The following SRGAP1 variants were observed in gnomAD, a reference collection of about 807,000 sequenced individuals.
The protein encoded by SRGAP1 is SLIT-ROBO Rho GTPase-activating protein 1.
A neutral mutation model predicts 121.9 loss-of-function variants in SRGAP1; 43 were observed. The observed-to-expected ratio is 0.35, with a 90% CI of 0.28 to 0.46. The LOEUF (loss-of-function observed/expected upper bound fraction) is 0.46, where lower values mean the gene tolerates loss of function less well. SRGAP1 is among the 20% of genes least tolerant of loss of function. The pLI is 1.00. For synonymous variants in SRGAP1, 447 were observed against 485.4 expected, an observed-to-expected ratio of 0.92 and a Z score of 1.04; for missense variants, 1,102 against 1,350.9, an observed-to-expected ratio of 0.82 and a Z score of 2.89.
Position 63,914,838 on chromosome 12 carries a change from G to T in SRGAP1, c.68-69109G>T, listed in dbSNP as rs1390355829. On this transcript the variant is annotated intron_variant, in intron 1 of 21. Coordinates refer to ENST00000355086, the MANE Select transcript of SRGAP1 (RefSeq NM_020762.4). ...CTATTCAGCTGACCTACGTAATTAG[G>T]ACTTTGAAAAATCCCAGAAGAGCTC... 4.6e-5 allele frequency among the ~76,000 whole-genome samples: 7 copies of T among 151,676 alleles called. No individual in the cohort carries two copies. In the South Asian group the frequency reaches 1.0e-3, roughly 22 times the overall value.
intron 1 of SRGAP1, among the ~76,000 whole-genome samples, chr12:63,932,059 A>C (rs1013280046): frequency 6.6e-6 from 1 of 152,172 alleles, no homozygotes; most frequent in East Asian, 1.9e-4. Context: ...AGGGACTAGC[A>C]AATGTTAAGA....
chr12:63,887,380 GGA>G (rs2136292813), intron 1 of SRGAP1: 1 of 152,408 alleles, frequency 6.6e-6, no homozygotes, highest in African/African-American at 2.4e-5. Context: ...ACTTTCCGAA[GGA>G]GAGGGGTTTC....
intron 4 of SRGAP1, among the ~76,000 whole-genome samples, chr12:64,036,410 T>G (rs1204872984): frequency 6.6e-6 from 1 of 152,144 alleles, no homozygotes; most frequent in African/African-American, 2.4e-5. Flanking sequence ...TCAGCTACAG[T>G]TAGAGTCCTC....
chr12:63,989,634 T>C, intron 2 of SRGAP1, among the ~76,000 whole-genome samples: 1 of 152,230 alleles, frequency 6.6e-6, no homozygotes, highest in East Asian at 1.9e-4. Context: ...CTGTGTATAT[T>C]AGGGTCCCAT....
intron 1 of SRGAP1, among the ~76,000 whole-genome samples, chr12:63,870,742 T>C (rs1166593514): frequency 6.6e-6 from 1 of 152,080 alleles, no homozygotes; most frequent in Non-Finnish European, 1.5e-5. Context: ...GGTTTTGCCA[T>C]GTTGGCCAGG....
At chr12:63,903,611 A>G (rs1565943636) in intron 1 of SRGAP1, among the ~76,000 whole-genome samples, 1 of 149,114 alleles carries the variant, frequency 6.7e-6, no homozygotes, top group Non-Finnish European at 1.5e-5. Flanking sequence ...GCTGGAGTGC[A>G]ATGGCAATGG....
chr12:64,094,824 C>A, intron 12 of SRGAP1, 108 bp from the exon 13 acceptor site: 1 of 1,092,380 alleles, frequency 9.2e-7, no homozygotes, highest in Non-Finnish European at 1.4e-6. Context: ...TGGTTTGCTC[C>A]AGAACTGCAA....
intron 17 of SRGAP1, 145 bp from the exon 18 acceptor site, chr12:64,115,669 G>A: frequency 1.7e-6 from 1 of 586,794 alleles, no homozygotes; most frequent in South Asian, 2.0e-5. Flanking sequence ...GCTGAGGTAG[G>A]AGGATCACTT....
intron 4 of SRGAP1, among the ~76,000 whole-genome samples, chr12:64,035,856 A>T (rs2034892519): frequency 1.3e-5 from 2 of 152,172 alleles, no homozygotes; most frequent in South Asian, 2.1e-4. Flanking sequence ...GAGCCTGGAT[A>T]TGAAGGCCCA....
chr12:63,984,086 G>C lies in SRGAP1; in HGVS notation c.207G>C (p.Lys69Asn). The change falls in exon 2 of 22, where the codon AAG (lysine) becomes AAC (asparagine). Residue 69 changes from lysine to asparagine, a missense_variant. Around this residue, in one of 3 missense-constraint regions of SRGAP1, gnomAD observed 747 missense variants for 929.4 expected, o/e 0.80. Transcript: ENST00000355086. ...CGGAATATTCCCGGAATCTAGAGAA[G>C]TTAGCAGAAAGGTTCATGGCAAAAA... ...IETEYSRNLE[K>N]LAERFMAKTR... is the part of the protein sequence containing the mutation. 1 of 1,535,644 alleles carries C rather than the reference G, an allele frequency of 6.5e-7. No homozygotes were observed. Among genetic ancestry groups the C allele is most frequent in the Non-Finnish European group, 8.8e-7 (1 of 1,132,578 alleles).
intron 1 of SRGAP1, among the ~76,000 whole-genome samples, chr12:63,912,566 A>G (rs2030551258): frequency 6.6e-6 from 1 of 152,116 alleles, no homozygotes; most frequent in Admixed American, 6.6e-5. Flanking sequence ...GTGAGCTATG[A>G]TTAAGCCACT....
chr12:64,097,110 C>A, intron 14 of SRGAP1, 131 bp from the exon 15 acceptor site: 1 of 899,540 alleles, frequency 1.1e-6, no homozygotes, highest in Non-Finnish European at 1.5e-6. Flanking sequence ...AATTTTAGTA[C>A]CATATAATCT....
chr12:63,931,414 A>G (rs1405492110), intron 1 of SRGAP1, among the ~76,000 whole-genome samples: 1 of 152,216 alleles, frequency 6.6e-6, no homozygotes, highest in Non-Finnish European at 1.5e-5. Context: ...CTTGTAATTA[A>G]CTGATGACAC....
At chr12:63,952,923 G>C (rs1028040183) in intron 1 of SRGAP1, among the ~76,000 whole-genome samples, 1 of 152,080 alleles carries the variant, frequency 6.6e-6, no homozygotes, top group African/African-American at 2.4e-5. Context: ...TGGGATTATA[G>C]GCATGAGTCA....
chr12:64,063,630 T>A (rs1407674326), intron 7 of SRGAP1, among the ~76,000 whole-genome samples: 1 of 151,418 alleles, frequency 6.6e-6, no homozygotes, highest in Non-Finnish European at 1.5e-5. Flanking sequence ...ATCCTTTATA[T>A]AAATTCAGCT....
At chr12:64,137,478 G>C (rs1292482159) in intron 21 of SRGAP1, among the ~76,000 whole-genome samples, 1 of 152,036 alleles carries the variant, frequency 6.6e-6, no homozygotes, top group African/African-American at 2.4e-5. Context: ...TTAGCCTTCA[G>C]ATTTTCCCAT....
At chr12:64,099,410 C>G (rs113200288) in intron 15 of SRGAP1, among the ~76,000 whole-genome samples, 1 of 152,134 alleles carries the variant, frequency 6.6e-6, no homozygotes, top group Non-Finnish European at 1.5e-5. Flanking sequence ...TAGTTAATTC[C>G]TGGAGCATGT....
intron 1 of SRGAP1, among the ~76,000 whole-genome samples, chr12:63,882,305 G>T (rs1900220181): frequency 6.6e-6 from 1 of 151,744 alleles, no homozygotes; most frequent in Admixed American, 6.6e-5. Context: ...TTTTGAGATG[G>T]AGTTTTGCTC....
chr12:63,854,530 G>T (rs560016521), intron 1 of SRGAP1, among the ~76,000 whole-genome samples: 1 of 152,244 alleles, frequency 6.6e-6, no homozygotes, highest in East Asian at 1.9e-4. Flanking sequence ...TTGATAATCC[G>T]TGGGTGCACG....
Sources: allele counts gnomAD v4.1 joint callset (sites outside exome capture counted in the v4.1 genomes callset), GRCh38; gene constraint gnomAD v4.1.1; regional missense constraint gnomAD v4.1.1; transcripts MANE v1.5; gene names NCBI Gene and HGNC (gene_info 2026-07-23, HGNC 2026-07-21).